The following GPR39 variants were observed in gnomAD, a reference collection of about 807,000 sequenced individuals.
GPR39 encodes the protein zinc sensing receptor.
GPR39 carries 23 observed loss-of-function variants against 18.4 expected under a neutral mutation model. The observed-to-expected ratio is 1.25, with a 90% CI of 0.90 to 1.77. The LOEUF is 1.77. Among genes scored for constraint, GPR39 ranks in the 40% most tolerant of loss-of-function variants. The probability of loss-of-function intolerance (pLI) is 0.00; values close to 1 mark genes in which losing one functional copy is unlikely to be tolerated. For missense variants in GPR39, 647 were observed against 602.4 expected, an observed-to-expected ratio of 1.07 and a Z score of -0.78; for synonymous variants, 280 against 257.9, an observed-to-expected ratio of 1.09 and a Z score of -0.82.
At chr2:132,582,920 T>TTC (rs1680652540) in intron 1 of GPR39, among the ~76,000 whole-genome samples, 1 of 138,116 alleles carries the variant, frequency 7.2e-6, no homozygotes, top group Non-Finnish European at 1.6e-5. Flanking sequence ...TCTTTCTTTT[T>TTC]TTTTTTTTTT....
At chr2:132,514,725 G>A (rs914444589) in intron 1 of GPR39, among the ~76,000 whole-genome samples, 1 of 152,044 alleles carries the variant, frequency 6.6e-6, no homozygotes, top group African/African-American at 2.4e-5. Context: ...TCTGGACTTG[G>A]CCCTAGATAT....
intron 1 of GPR39, among the ~76,000 whole-genome samples, chr2:132,556,791 C>G (rs1397512784): frequency 6.6e-6 from 1 of 152,198 alleles, no homozygotes; most frequent in Non-Finnish European, 1.5e-5. Context: ...TTAAGCACAA[C>G]CTCATAGACA....
At chr2:132,458,932 C>T (rs1018772841) in intron 1 of GPR39, among the ~76,000 whole-genome samples, 3 of 152,154 alleles carry the variant, frequency 2.0e-5, no homozygotes, top group Non-Finnish European at 4.4e-5. Flanking sequence ...TGTGTGTCTC[C>T]TTATTCAACC....
At chr2:132,436,302 C>A (rs902811523) in intron 1 of GPR39, among the ~76,000 whole-genome samples, 1 of 152,180 alleles carries the variant, frequency 6.6e-6, no homozygotes, top group African/African-American at 2.4e-5. Flanking sequence ...GGAAGAGTGT[C>A]ATCAAGCTCA....
At chr2:132,494,726 A>G (rs1681605547) in intron 1 of GPR39, among the ~76,000 whole-genome samples, 1 of 152,038 alleles carries the variant, frequency 6.6e-6, no homozygotes, top group South Asian at 2.1e-4. Flanking sequence ...CATTCAACAC[A>G]CCACTAACTT....
At chr2:132,487,638 A>G (rs1455073188) in intron 1 of GPR39, among the ~76,000 whole-genome samples, 1 of 152,196 alleles carries the variant, frequency 6.6e-6, no homozygotes, top group Non-Finnish European at 1.5e-5. Flanking sequence ...TATAATAGTC[A>G]AAATTTAATG....
In GPR39 at chr2:132,433,526, T is replaced by C. The variant is rs140474560; in HGVS notation, c.856+15628T>C. Among the ~76,000 whole-genome samples, 10 of 152,056 alleles carry C rather than the reference T, an allele frequency of 6.6e-5. No homozygotes were observed. In the South Asian group the frequency reaches 1.2e-3, roughly 19 times the overall value. On this transcript the variant is annotated intron_variant, in intron 1 of 1. Transcript: ENST00000329321. The stretch of plus-strand genomic sequence containing the variant: ...ACCTTGACTAACATCATGGGACTCA[T>C]ACAAAGTGCCACTAGTGGTGCTGGA...
At chr2:132,585,547 A>G (rs1412665608) in intron 1 of GPR39, among the ~76,000 whole-genome samples, 1 of 152,144 alleles carries the variant, frequency 6.6e-6, no homozygotes, top group Admixed American at 6.5e-5. Flanking sequence ...CTCTGCGCGC[A>G]TCTGTGTGTG....
chr2:132,515,729 C>G (rs896999126), intron 1 of GPR39, among the ~76,000 whole-genome samples: 2 of 152,140 alleles, frequency 1.3e-5, no homozygotes, highest in Admixed American at 1.3e-4. Flanking sequence ...CCTCCTTTCT[C>G]CCTGAAGACT....
At chr2:132,476,385 C>T (rs4346446) in intron 1 of GPR39, among the ~76,000 whole-genome samples, 37,209 of 151,900 alleles carry the variant, frequency 0.24, 5,940 homozygotes, top group East Asian at 0.79. Context: ...CCTGTAATCC[C>T]AGCACTTTGG....
At chr2:132,598,825 T>C (rs12618657) in intron 1 of GPR39, among the ~76,000 whole-genome samples, 36,847 of 151,952 alleles carry the variant, frequency 0.24, 5,047 homozygotes, top group African/African-American at 0.36. Context: ...TGTGACCTTA[T>C]GTGAGCAGCA....
chr2:132,638,501 A>C (rs1301392591), intron 1 of GPR39, among the ~76,000 whole-genome samples: 18 of 152,218 alleles, frequency 1.2e-4, no homozygotes, highest in Non-Finnish European at 5.9e-5. Flanking sequence ...TGCATGTCTA[A>C]GAAGTTCCCA....
At chr2:132,633,850 G>A (rs1008208857) in intron 1 of GPR39, among the ~76,000 whole-genome samples, 3 of 152,254 alleles carry the variant, frequency 2.0e-5, no homozygotes, top group South Asian at 2.1e-4. Flanking sequence ...TGATGTTGGT[G>A]GGGGTGGTAG....
In GPR39 at chr2:132,417,745, C is replaced by T; in HGVS notation, c.703C>T (p.Leu235=). The T allele has an allele frequency of 6.2e-7, 1 of 1,614,222 alleles. No individual in the cohort carries two copies. The highest frequency in any genetic ancestry group is 8.5e-7 in the Non-Finnish European group (1 of 1,180,034). Residue 235 remains leucine, a synonymous_variant, in exon 1 of 2, where the codon CTG becomes TTG. Coordinates refer to ENST00000329321, the MANE Select transcript of GPR39 (RefSeq NM_001508.3). The part of the protein sequence containing the change: ...FGAFVVYLVV[L]LSVAFMCWNM... ...CGCCTTCGTGGTCTACCTCGTGGTC[C>T]TGCTCTCCGTAGCCTTCATGTGCTG... is the stretch of plus-strand genomic sequence containing the variant.
intron 1 of GPR39, among the ~76,000 whole-genome samples, chr2:132,628,344 C>G (rs528487233): frequency 6.6e-6 from 1 of 152,298 alleles, no homozygotes; most frequent in East Asian, 1.9e-4. Flanking sequence ...CTCTCCCAGA[C>G]TCAGCTCAGA....
chr2:132,505,948 C>G (rs566863402), intron 1 of GPR39, among the ~76,000 whole-genome samples: 1 of 152,100 alleles, frequency 6.6e-6, no homozygotes. Flanking sequence ...TATGGTAGTT[C>G]TAATTTTAGT....
intron 1 of GPR39, among the ~76,000 whole-genome samples, chr2:132,474,694 A>C (rs1681094142): frequency 6.6e-6 from 1 of 152,016 alleles, no homozygotes; most frequent in African/African-American, 2.4e-5. Context: ...CCCAGTTGCT[A>C]CTCCAGCCTT....
At chr2:132,476,428 G>A (rs1383869329) in intron 1 of GPR39, among the ~76,000 whole-genome samples, 1 of 152,044 alleles carries the variant, frequency 6.6e-6, no homozygotes, top group African/African-American at 2.4e-5. Context: ...TTGAGGTCAG[G>A]AGTTCAAGAC....
At chr2:132,630,717 G>A (rs1036644507) in intron 1 of GPR39, among the ~76,000 whole-genome samples, 7 of 152,126 alleles carry the variant, frequency 4.6e-5, no homozygotes, top group Non-Finnish European at 1.0e-4. Context: ...AGTGGGAATG[G>A]TGAGAAAGGG....
Sources: gnomAD v4.1 joint callset for allele counts (sites outside exome capture counted in the v4.1 genomes callset) on GRCh38, gnomAD v4.1.1 for gene constraint, MANE v1.5 for transcripts, NCBI Gene and HGNC (gene_info 2026-07-23, HGNC 2026-07-21) for gene names.